ZC4H2: variants seen among roughly 807,000 people sequenced by gnomAD.
The protein encoded by ZC4H2 is zinc finger C4H2-type containing.
For missense variants in ZC4H2, 137 were observed against 173.9 expected, an observed-to-expected ratio of 0.79 and a Z score of 1.19; for synonymous variants, 84 against 66.3, an observed-to-expected ratio of 1.27 and a Z score of -1.30.
intron 1 of ZC4H2, among the ~76,000 whole-genome samples, chrX:64,987,843 C>T (rs953028696): frequency 9.5e-6 from 1 of 105,313 alleles, no homozygotes; most frequent in African/African-American, 3.5e-5. Flanking sequence ...ATTAACTCAT[C>T]ATTTAACATT....
chrX:64,976,200 G>A, intron 1 of ZC4H2, 125 bp downstream of exon 1: 2 of 764,104 alleles, frequency 2.6e-6, no homozygotes, highest in Admixed American at 2.3e-5. Flanking sequence ...CACCTCTCCG[G>A]CAAGTCTGTG....
chrX:64,967,829 C>T (rs1931643476), intron 1 of ZC4H2, among the ~76,000 whole-genome samples: 1 of 112,214 alleles, frequency 8.9e-6, no homozygotes, highest in African/African-American at 3.2e-5. Context: ...TAATTATATA[C>T]ACGAGGGCTT....
chrX:64,965,549 T>C (rs1311904456), intron 1 of ZC4H2: 1 of 297,199 alleles, frequency 3.4e-6, no homozygotes, highest in Non-Finnish European at 6.3e-6. Context: ...GAGAAAATCT[T>C]TGTGAATACG....
chrX:64,921,498 C>G (rs773788115), intron 2 of ZC4H2, among the ~76,000 whole-genome samples: 1 of 111,944 alleles, frequency 8.9e-6, no homozygotes, highest in East Asian at 2.8e-4. Context: ...CTGCTTTTCC[C>G]CAAGGCTAGC....
At chrX:64,928,679 TTCTTCC>T (rs1177846942) in intron 1 of ZC4H2, among the ~76,000 whole-genome samples, 35 of 99,377 alleles carry the variant, frequency 3.5e-4, no homozygotes, top group African/African-American at 9.3e-4. Context: ...CTTCTTCTTC[TTCTTCC>T]TCCTCCTCTT....
At chrX:64,928,086 G>T (rs1929511851) in intron 1 of ZC4H2, among the ~76,000 whole-genome samples, 2 of 112,118 alleles carry the variant, frequency 1.8e-5, no homozygotes, top group African/African-American at 6.5e-5. Flanking sequence ...TGTTCACTCT[G>T]ATGATAGTTT....
At chrX:64,991,345 A>G (rs1397710339) in intron 1 of ZC4H2, among the ~76,000 whole-genome samples, 1 of 111,968 alleles carries the variant, frequency 8.9e-6, no homozygotes, top group Non-Finnish European at 1.9e-5. Context: ...CCAGTGGTCA[A>G]TACTGGTTAA....
chrX:64,948,810 C>T (rs1353505309), intron 1 of ZC4H2, among the ~76,000 whole-genome samples: 3 of 111,611 alleles, frequency 2.7e-5, no homozygotes, highest in African/African-American at 9.7e-5. Flanking sequence ...TATAAGAAGG[C>T]ATGGGAATGT....
At chrX:64,979,587 A>T (rs1469331381), upstream of ZC4H2, among the ~76,000 whole-genome samples, 1 of 111,794 alleles carries the variant, frequency 8.9e-6, no homozygotes, top group Non-Finnish European at 1.9e-5. Context: ...TGTTGTAGAG[A>T]AACAGTGGGG....
At chrX:65,022,218 A>T (rs1351236094) in intron 1 of ZC4H2, among the ~76,000 whole-genome samples, 19 of 111,811 alleles carry the variant, frequency 1.7e-4, no homozygotes, top group African/African-American at 5.5e-4. Context: ...GCAGAGACAC[A>T]CAAAAAAAGA....
intron 1 of ZC4H2, among the ~76,000 whole-genome samples, chrX:64,943,514 C>T (rs1235527982): frequency 1.8e-5 from 2 of 111,605 alleles, no homozygotes; most frequent in African/African-American, 6.5e-5. Flanking sequence ...TCTTGGTGCT[C>T]CTGTATTGGG....
chrX:64,918,030 T>G (rs184024617), intron 4 of ZC4H2, 134 bp from the exon 5 acceptor site: 2 of 728,297 alleles, frequency 2.7e-6, no homozygotes, highest in African/African-American at 4.4e-5. Context: ...GTGAGTAGAC[T>G]CAAGTATTCT....
chrX:64,948,261 G>T (rs906931025), intron 1 of ZC4H2, among the ~76,000 whole-genome samples: 1 of 111,540 alleles, frequency 9.0e-6, no homozygotes, highest in Admixed American at 9.6e-5. Context: ...GATTGGATTC[G>T]TTCCAGTGAT....
At chrX:64,954,374 T>TTA (rs1390457107) in intron 1 of ZC4H2, among the ~76,000 whole-genome samples, 4 of 73,254 alleles carry the variant, frequency 5.5e-5, no homozygotes, top group Non-Finnish European at 8.7e-5. Context: ...ATATATATAA[T>TTA]TATATATATT....
At chrX:65,010,729 G>A (rs763350788) in intron 1 of ZC4H2, among the ~76,000 whole-genome samples, 1 of 111,787 alleles carries the variant, frequency 8.9e-6, no homozygotes, top group East Asian at 2.8e-4. Context: ...AATAATTAGG[G>A]AAAAGACCAC....
intron 1 of ZC4H2, among the ~76,000 whole-genome samples, chrX:64,937,996 G>C (rs1202538727): frequency 9.0e-6 from 1 of 111,603 alleles, no homozygotes; most frequent in Non-Finnish European, 1.9e-5. Context: ...GAATTCAAGA[G>C]CTGGTTTTTG....
chrX:64,918,197 T>G, intron 4 of ZC4H2: 1 of 188,342 alleles, frequency 5.3e-6, no homozygotes. Flanking sequence ...TAAGGACTAT[T>G]TAATTTTCTA....
chrX:64,979,658 G>A (rs1377237713), upstream of ZC4H2, among the ~76,000 whole-genome samples: 1 of 111,879 alleles, frequency 8.9e-6, no homozygotes, highest in African/African-American at 3.3e-5. Flanking sequence ...AACAGTATCT[G>A]CAAGCCAAGG....
chrX:65,005,905 A>T (rs748535796), intron 1 of ZC4H2, among the ~76,000 whole-genome samples: 3 of 111,435 alleles, frequency 2.7e-5, no homozygotes, highest in Non-Finnish European at 3.8e-5. Flanking sequence ...AAGGAGATGA[A>T]CAGAAACTTC....
Sources: allele counts gnomAD v4.1 joint callset (sites outside exome capture counted in the v4.1 genomes callset), GRCh38; gene constraint gnomAD v4.1.1; transcripts MANE v1.5; gene names NCBI Gene and HGNC (gene_info 2026-07-23, HGNC 2026-07-21).